The following SAMMSON variants were observed in gnomAD, a reference collection of about 807,000 sequenced individuals.
SAMMSON encodes long intergenic non-protein coding RNA 1212.
intron 4 of SAMMSON, among the ~76,000 whole-genome samples, chr3:70,075,850 A>C (rs2067246596): frequency 6.8e-6 from 1 of 147,936 alleles, no homozygotes. Context: ...CTTTTGGAAA[A>C]TGTTTTCTAT....
chr3:70,103,846 C>T (rs756647416), intron 4 of SAMMSON, among the ~76,000 whole-genome samples: 5 of 152,026 alleles, frequency 3.3e-5, no homozygotes, highest in Non-Finnish European at 5.9e-5. Flanking sequence ...AAAAAATGAG[C>T]GTTATTAAAT....
chr3:70,054,064 A>G (rs1211431050), intron 3 of SAMMSON, among the ~76,000 whole-genome samples: 1 of 152,180 alleles, frequency 6.6e-6, no homozygotes, highest in Non-Finnish European at 1.5e-5. Flanking sequence ...AACACTTACC[A>G]TTTAATTTTC....
At chr3:70,363,513 G>T in intron 9 of SAMMSON, among the ~76,000 whole-genome samples, 1 of 151,922 alleles carries the variant, frequency 6.6e-6, no homozygotes, top group Non-Finnish European at 1.5e-5. Flanking sequence ...CTACAGTCAA[G>T]AATCAGTAGC....
chr3:70,290,878 T>C (rs1433138504), intron 6 of SAMMSON, among the ~76,000 whole-genome samples: 1 of 152,200 alleles, frequency 6.6e-6, no homozygotes, highest in Non-Finnish European at 1.5e-5. Flanking sequence ...GCTGACCCCT[T>C]GCGCTTCCCG....
chr3:70,065,785 C>T (rs904325875), intron 3 of SAMMSON, among the ~76,000 whole-genome samples: 1 of 151,978 alleles, frequency 6.6e-6, no homozygotes, highest in Non-Finnish European at 1.5e-5. Context: ...AAAAATTGGC[C>T]CCAAATGTTA....
Position 70,059,994 on chromosome 3 carries a change from C to G in SAMMSON, n.418-11482C>G, listed in dbSNP as rs139039644. 2.0e-5 allele frequency among the ~76,000 whole-genome samples: 3 copies of G among 152,186 alleles called. No individual in the cohort carries two copies. The East Asian group carries it at 5.8e-4, about 30-fold the overall frequency. ...TACAGGAATCATGGATAACAAAAAT[C>G]TATGAAGTGCTGTAGAATGTATGAA... On this transcript the variant is annotated intron_variant and non_coding_transcript_variant, in intron 3 of 9. Transcript: ENST00000642114.
At chr3:70,213,322 G>A (rs1229764579) in intron 4 of SAMMSON, among the ~76,000 whole-genome samples, 1 of 152,054 alleles carries the variant, frequency 6.6e-6, no homozygotes, top group Non-Finnish European at 1.5e-5. Context: ...TTTTTCTTGT[G>A]AGCAGTAAAC....
At chr3:70,137,545 G>C (rs7633462) in intron 4 of SAMMSON, 1 of 151,968 alleles carries the variant, frequency 6.6e-6, no homozygotes, top group Non-Finnish European at 1.5e-5. Flanking sequence ...TCGAGTAGTT[G>C]CAACAGGAAT....
At chr3:70,384,504 T>C (rs1703104257) in intron 9 of SAMMSON, among the ~76,000 whole-genome samples, 1 of 152,032 alleles carries the variant, frequency 6.6e-6, no homozygotes, top group South Asian at 2.1e-4. Context: ...GAAGATCAAA[T>C]AGTTTTGCTC....
At position 70,367,224 on chromosome 3, in the gene SAMMSON, A is replaced by G. The variant is rs1025066493; in HGVS notation, n.913+8900A>G. On this transcript the variant is annotated intron_variant and non_coding_transcript_variant, in intron 9 of 9. Transcript: ENST00000642114. Reference sequence around the variant, plus strand: ...AGTATACAATAAATTACGGACAACTATAGTCACCCTATTGTGGTATCAAAC... The same window carrying G: ...AGTATACAATAAATTACGGACAACTGTAGTCACCCTATTGTGGTATCAAAC... Among the ~76,000 whole-genome samples the G allele has an allele frequency of 1.1e-4, 16 of 151,696 alleles. 1 individual carries two copies. Among genetic ancestry groups the G allele is most frequent in the East Asian group, 5.8e-4 (3 of 5,172 alleles).
intron 4 of SAMMSON, among the ~76,000 whole-genome samples, chr3:70,238,086 G>A (rs1326643014): frequency 7.0e-6 from 1 of 142,142 alleles, no homozygotes; most frequent in Non-Finnish European, 1.5e-5. Context: ...GAGTGGAAAT[G>A]GCTTGCCCTG....
intron 9 of SAMMSON, among the ~76,000 whole-genome samples, chr3:70,375,818 C>T (rs2058888): frequency 1.6e-4 from 25 of 152,186 alleles, no homozygotes; most frequent in Non-Finnish European, 2.9e-4. Flanking sequence ...TGACTCTCTC[C>T]GGTATTCACT....
chr3:70,003,354 CAG>C (rs2066913612), intron 1 of SAMMSON, among the ~76,000 whole-genome samples: 1 of 151,896 alleles, frequency 6.6e-6, no homozygotes, highest in African/African-American at 2.4e-5. Context: ...TGATATATTA[CAG>C]AGTGTCTCCT....
At chr3:70,270,810 C>T (rs1701968753) in intron 6 of SAMMSON, among the ~76,000 whole-genome samples, 2 of 152,074 alleles carry the variant, frequency 1.3e-5, no homozygotes, top group African/African-American at 2.4e-5. Context: ...CACAAGTTAT[C>T]ACTCATAAGT....
rs115587902 is a variant in SAMMSON, at chr3:70,040,932, T to C, written n.417+27260T>C. ...TTCAATGATTTGGTCTAAATCCAGATATCGTCTCAAAACAATAAAAAGGCT... is the reference window on the plus strand; with the variant it reads ...TTCAATGATTTGGTCTAAATCCAGACATCGTCTCAAAACAATAAAAAGGCT... On this transcript the variant is annotated intron_variant and non_coding_transcript_variant, in intron 3 of 9. Transcript: ENST00000642114. Among the ~76,000 whole-genome samples, 6 of 152,258 alleles carry C rather than the reference T, an allele frequency of 3.9e-5. No individual in the cohort carries two copies. In the East Asian group the frequency reaches 1.2e-3, roughly 29 times the overall value.
chr3:70,393,680 A>T (rs1350770290), downstream of SAMMSON, among the ~76,000 whole-genome samples: 1 of 152,146 alleles, frequency 6.6e-6, no homozygotes, highest in Non-Finnish European at 1.5e-5. Flanking sequence ...AGTTTGAAGG[A>T]TGGCAAGGAG....
chr3:70,246,575 A>T (rs1269533272), intron 4 of SAMMSON, among the ~76,000 whole-genome samples: 1 of 152,136 alleles, frequency 6.6e-6, no homozygotes, highest in African/African-American at 2.4e-5. Context: ...ATCAGTTGTT[A>T]GTATAAGGAT....
chr3:70,104,816 C>T (rs1484981807), intron 4 of SAMMSON, among the ~76,000 whole-genome samples: 2 of 152,094 alleles, frequency 1.3e-5, no homozygotes, highest in Admixed American at 1.3e-4. Context: ...TACCTCCAGG[C>T]CTTCGTTTTT....
chr3:70,323,797 C>T (rs765014767), intron 7 of SAMMSON, among the ~76,000 whole-genome samples: 1 of 152,108 alleles, frequency 6.6e-6, no homozygotes, highest in African/African-American at 2.4e-5. Flanking sequence ...CTGCAACTGC[C>T]CATTTTCCTC....
Sources: gnomAD v4.1 joint callset for allele counts (sites outside exome capture counted in the v4.1 genomes callset) on GRCh38, gnomAD v4.1.1 for gene constraint, MANE v1.5 for transcripts, NCBI Gene and HGNC (gene_info 2026-07-23, HGNC 2026-07-21) for gene names.